The following NUDT19 variants were observed in gnomAD, a reference collection of about 807,000 sequenced individuals.
The protein encoded by NUDT19 is nudix hydrolase 19, also known as acyl-coenzyme A diphosphatase NUDT19.
NUDT19 carries 31 observed loss-of-function variants against 22.2 expected under a neutral mutation model. The ratio of observed to expected loss-of-function variants is 1.40; its 90% CI spans 1.05 to 1.89. The LOEUF (loss-of-function observed/expected upper bound fraction) is 1.89, where lower values mean the gene tolerates loss of function less well. Among genes scored for constraint, NUDT19 ranks in the 40% most tolerant of loss-of-function variants. The probability of loss-of-function intolerance (pLI) is 0.00; values close to 1 mark genes in which losing one functional copy is unlikely to be tolerated. For synonymous variants in NUDT19, 325 were observed against 230.8 expected (o/e 1.41, Z -3.70); for missense variants, 752 against 514.2 (o/e 1.46, Z -4.47).
rs1968194007 is a variant in NUDT19, at chr19:32,692,212, C to T, written c.252C>T (p.His84=). The change falls in exon 1 of 3, where the codon CAC becomes CAT. Residue 84 remains histidine (H), a synonymous_variant. Coordinates refer to ENST00000397061, the MANE Select transcript of NUDT19 (RefSeq NM_001105570.2). ...ADWLGLFAPH[H]GPPRFGLGPA... ...GGCTGGGCCTCTTCGCGCCGCACCA[C>T]GGGCCGCCGCGCTTCGGCCTGGGCC... 4 of 1,581,462 alleles carry T rather than the reference C, an allele frequency of 2.5e-6. No individual in the cohort carries two copies. In the African/African-American group the frequency reaches 4.1e-5, roughly 16 times the overall value.
intron 1 of NUDT19, among the ~76,000 whole-genome samples, chr19:32,708,732 G>A (rs1418385419): frequency 2.6e-5 from 4 of 152,100 alleles, no homozygotes; most frequent in African/African-American, 9.7e-5. Context: ...GTCCCCATAG[G>A]GCCTAGGAGA....
chr19:32,707,216 C>T (rs1006597982), intron 1 of NUDT19, among the ~76,000 whole-genome samples: 4 of 152,324 alleles, frequency 2.6e-5, no homozygotes, highest in South Asian at 2.1e-4. Flanking sequence ...CCTTTGTCTT[C>T]GTTGTTATCA....
At position 32,699,334 on chromosome 19, in the gene NUDT19, T is replaced by C. The variant is rs371245657; in HGVS notation, c.714+6660T>C. ...GAGGCAAGGGTCAGGATAGATAGGATAGATGGGTGAGTCTCGCCTGTGCGA... is the reference window on the plus strand; with the variant it reads ...GAGGCAAGGGTCAGGATAGATAGGACAGATGGGTGAGTCTCGCCTGTGCGA... On this transcript the variant is annotated intron_variant, in intron 1 of 2. Transcript: ENST00000397061. Among the ~76,000 whole-genome samples, 83 of 152,264 alleles carry C rather than the reference T, an allele frequency of 5.5e-4. 1 individual carries two copies. In the East Asian group the frequency reaches 0.015, roughly 27 times the overall value.
intron 1 of NUDT19, among the ~76,000 whole-genome samples, chr19:32,695,186 T>G (rs1599796252): frequency 6.6e-6 from 1 of 152,310 alleles, no homozygotes; most frequent in East Asian, 1.9e-4. Context: ...ATTTTTCATT[T>G]TTATTTTTTT....
Position 32,692,202 on chromosome 19 carries a change from C to A in NUDT19, c.242C>A (p.Ala81Glu), listed in dbSNP as rs764181029. ...DRSADWLGLFAPHHGPPRFGL... is the reference protein window; with the variant it reads ...DRSADWLGLFEPHHGPPRFGL... ...TCGGCGGACTGGCTGGGCCTCTTCG[C>A]GCCGCACCACGGGCCGCCGCGCTTC... Residue 81 changes from alanine to glutamate, a missense_variant, in exon 1 of 3, where the codon GCG (alanine) becomes GAG (glutamate). Transcript: ENST00000397061. 10 of 1,575,718 alleles carry A rather than the reference C, an allele frequency of 6.3e-6. No homozygotes were observed. The highest frequency in any genetic ancestry group is 1.7e-5 in the Admixed American group (1 of 57,794).
chr19:32,698,413 C>G (rs909418903), intron 1 of NUDT19, among the ~76,000 whole-genome samples: 3 of 152,056 alleles, frequency 2.0e-5, no homozygotes, highest in African/African-American at 4.8e-5. Flanking sequence ...AAGACAAAAC[C>G]GCCTGTGGTT....
chr19:32,693,668 C>G (rs370331436), intron 1 of NUDT19, among the ~76,000 whole-genome samples: 3 of 152,138 alleles, frequency 2.0e-5, no homozygotes, highest in Non-Finnish European at 4.4e-5. Context: ...TTTAGCTAGA[C>G]AGAGCACTGA....
Position 32,709,272 on chromosome 19 carries a change from G to A in NUDT19, c.802G>A (p.Ala268Thr), listed in dbSNP as rs1020297792. Residue 268 changes from alanine to threonine, a missense_variant, in exon 2 of 3, where the codon GCA becomes ACA. Ala to Thr is a moderately conservative substitution (Grantham distance 58, BLOSUM62 0). Transcript: ENST00000397061. ...ACAGTTCTACGAAGTGAGAAGACTT[G>A]CAAACTTTGCCTCTCTCTCTGACTT... ...PPQFYEVRRLANFASLSDLHK... is the reference protein window; with the variant it reads ...PPQFYEVRRLTNFASLSDLHK... The A allele has an allele frequency of 2.5e-5, 40 of 1,613,994 alleles. No individual in the cohort carries two copies. Among genetic ancestry groups the A allele is most frequent in the East Asian group, 8.9e-5 (4 of 44,888 alleles).
Position 32,692,396 on chromosome 19 carries a change from T to C in NUDT19, c.436T>C (p.Ser146Pro). Residue 146 changes from serine to proline, a missense_variant, in exon 1 of 3, where the codon TCC becomes CCC. Transcript: ENST00000397061. ...CGTGCTGCTGCTGCGGCCCAGGACT[T>C]CCCCACCAGGCCCAGCACCCGGGCC... is the stretch of plus-strand genomic sequence containing the variant. ...AGVLLLRPRT[S>P]PPGPAPGPGL... The C allele has an allele frequency of 6.3e-7, 1 of 1,577,972 alleles. No individual in the cohort carries two copies. Among genetic ancestry groups the C allele is most frequent in the Non-Finnish European group, 8.5e-7 (1 of 1,170,232 alleles).
rs776949861 is a variant in NUDT19, at chr19:32,709,318, G to A, written c.848G>A (p.Arg283His). ...GACTTGCACAAATTTTGTTTGGGTC[G>A]TGCATTAGAAGGACTGGAAAGGTGG... is the stretch of plus-strand genomic sequence containing the variant. ...LSDLHKFCLGRALEGLERWLP... is the reference protein window; with the variant it reads ...LSDLHKFCLGHALEGLERWLP... The change falls in exon 2 of 3, where the codon CGT (arginine) becomes CAT (histidine). Residue 283 changes from arginine (R) to histidine (H), a missense_variant. Physicochemically the swap from Arg to His is conservative, Grantham distance 29. Transcript: ENST00000397061. 4.0e-5 allele frequency: 65 copies of A among 1,614,048 alleles called. No homozygotes were observed. The highest frequency in any genetic ancestry group is 6.7e-5 in the East Asian group (3 of 44,890).
At position 32,709,261 on chromosome 19, in the gene NUDT19, T is replaced by A. The variant is rs761530179; in HGVS notation, c.791T>A (p.Val264Glu). 6.2e-7 allele frequency: 1 copy of A among 1,614,194 alleles called. No homozygotes were observed. Among genetic ancestry groups the A allele is most frequent in the South Asian group, 1.1e-5 (1 of 91,088 alleles). The change falls in exon 2 of 3, where the codon GTG (valine) becomes GAG (glutamate). Residue 264 changes from valine to glutamate, a missense_variant. By Grantham distance (121) the Val-to-Glu change is moderately radical (BLOSUM62 -2). Coordinates refer to ENST00000397061, the MANE Select transcript of NUDT19 (RefSeq NM_001105570.2). ...IWLPPPQFYE[V>E]RRLANFASLS... Reference sequence around the variant, plus strand: ...TTGCCACCCCCACAGTTCTACGAAGTGAGAAGACTTGCAAACTTTGCCTCT... The same window carrying A: ...TTGCCACCCCCACAGTTCTACGAAGAGAGAAGACTTGCAAACTTTGCCTCT...
intron 1 of NUDT19, among the ~76,000 whole-genome samples, chr19:32,697,573 G>A (rs749944119): frequency 3.9e-5 from 6 of 152,224 alleles, no homozygotes; most frequent in South Asian, 2.1e-4. Flanking sequence ...GATCTGAGTC[G>A]AGGTCCCAGT....
intron 1 of NUDT19, among the ~76,000 whole-genome samples, chr19:32,700,041 G>A (rs1057102693): frequency 6.6e-6 from 1 of 152,214 alleles, no homozygotes; most frequent in Admixed American, 6.5e-5. Flanking sequence ...GAGTGTTACA[G>A]CTCATAAAGG....
chr19:32,696,959 T>C (rs1968270619), intron 1 of NUDT19, among the ~76,000 whole-genome samples: 1 of 152,158 alleles, frequency 6.6e-6, no homozygotes, highest in Non-Finnish European at 1.5e-5. Context: ...GTGGCTTCTG[T>C]CCCAGAGAAC....
chr19:32,705,916 T>A (rs1038475241), intron 1 of NUDT19, among the ~76,000 whole-genome samples: 13 of 152,240 alleles, frequency 8.5e-5, no homozygotes, highest in Admixed American at 8.5e-4. Context: ...ATGACCCTCA[T>A]AAGGTCTACT....
At position 32,712,231 on chromosome 19, in the gene NUDT19, T is replaced by A. The variant is rs748137416; in HGVS notation, c.*274T>A. The A allele has an allele frequency of 3.0e-5, 9 of 300,154 alleles. No homozygotes were observed. The highest frequency in any genetic ancestry group is 9.5e-5 in the Admixed American group (2 of 21,010). The allele number at this position is 300,154 out of a possible 1,614,324, so 18.6% of individuals were successfully genotyped here. A position where few individuals can be genotyped will look rare whatever the true frequency, so the allele number is the denominator to read the frequency against. The stretch of plus-strand genomic sequence containing the variant: ...CTGGGACTACAGGCGCCCGCCACCA[T>A]GCCCAGCTAATTTTTTTTTGTATTT... On this transcript the variant is annotated 3_prime_UTR_variant, in exon 3 of 3. Transcript: ENST00000397061.
intron 1 of NUDT19, among the ~76,000 whole-genome samples, chr19:32,706,390 A>G (rs1357317869): frequency 6.6e-6 from 1 of 152,222 alleles, no homozygotes; most frequent in Non-Finnish European, 1.5e-5. Flanking sequence ...CTAGTTTATT[A>G]TAAGTTATTG....
chr19:32,709,230 A>AG lies in NUDT19; in HGVS notation c.760_761insG (p.Ile254SerfsTer22). Reference sequence around the variant, plus strand: ...AACTGAAAGTTTCTTATCAAAAGAAATTTGGTTGCCACCCCCACAGTTCTA... The same window carrying AG: ...AACTGAAAGTTTCTTATCAAAAGAAAGTTTGGTTGCCACCCCCACAGTTCTA... On this transcript the variant is annotated frameshift_variant, in exon 2 of 3. Transcript: ENST00000397061. LOFTEE classifies it high-confidence loss of function. 2 of 1,614,108 alleles carry AG rather than the reference A, an allele frequency of 1.2e-6. No homozygotes were observed. Among genetic ancestry groups the AG allele is most frequent in the African/African-American group, 2.7e-5 (2 of 75,058 alleles).
In NUDT19 at chr19:32,713,778, A is replaced by T. The variant is rs778604489; in HGVS notation, c.*1821A>T. The stretch of plus-strand genomic sequence containing the variant: ...ATAAAGACAATGATGAATAAAGTTT[A>T]TGTGTATGATTAAATCCAGATTAGA... On this transcript the variant is annotated 3_prime_UTR_variant, in exon 3 of 3. Transcript: ENST00000397061. The T allele has an allele frequency of 1.3e-5, 2 of 152,196 alleles. No homozygotes were observed. The highest frequency in any genetic ancestry group is 2.9e-5 in the Non-Finnish European group (2 of 68,034). 9.4% of individuals were successfully genotyped at this position (152,196 alleles called of 1,614,324 possible). A position where few individuals can be genotyped will look rare whatever the true frequency, so the allele number is the denominator to read the frequency against.
Sources: allele counts gnomAD v4.1 joint callset (sites outside exome capture counted in the v4.1 genomes callset), GRCh38; gene constraint gnomAD v4.1.1; transcripts MANE v1.5; gene names NCBI Gene and HGNC (gene_info 2026-07-23, HGNC 2026-07-21).